RGPD8: variants seen among roughly 807,000 people sequenced by gnomAD.
RGPD8 encodes the protein RANBP2 like and GRIP domain containing 8, also known as RANBP2-like and GRIP domain-containing protein 8.
RGPD8 carries 15 observed loss-of-function variants against 89.1 expected under a neutral mutation model. The observed-to-expected ratio is 0.17, with a 90% CI of 0.11 to 0.26. The LOEUF (loss-of-function observed/expected upper bound fraction) is 0.26. RGPD8 is among the 10% of genes least tolerant of loss of function. The pLI is 1.00. For synonymous variants in RGPD8, 62 were observed against 420.9 expected, an observed-to-expected ratio of 0.15 and a Z score of 10.44; for missense variants, 178 against 1,179.6, an observed-to-expected ratio of 0.15 and a Z score of 12.44.
At chr2:112,433,004 C>G (rs1371607082) in intron 1 of RGPD8, among the ~76,000 whole-genome samples, 1 of 91,450 alleles carries the variant, frequency 1.1e-5, no homozygotes, top group East Asian at 2.4e-4. Flanking sequence ...CAGGGAGCAG[C>G]GCCCTCGGGA....
chr2:112,417,096 G>C, intron 6 of RGPD8, 97 bp downstream of exon 6: 2 of 1,604,092 alleles, frequency 1.2e-6, no homozygotes, highest in East Asian at 2.2e-5. Flanking sequence ...GTACATTATA[G>C]AAATAATGAT....
chr2:112,371,189 G>A (rs1361797278), intron 22 of RGPD8, among the ~76,000 whole-genome samples: 1 of 124,660 alleles, frequency 8.0e-6, no homozygotes, highest in Non-Finnish European at 1.7e-5. Context: ...CATGTTTATT[G>A]AGGTACAACT....
chr2:112,433,402 G>A lies in RGPD8; in HGVS notation c.52C>T (p.Leu18Phe). ...CTCACCTGTCGAGGCGACGGGGTGAGACCCAGCACCGAGGCGACGTACCGC... is the reference window on the plus strand; with the variant it reads ...CTCACCTGTCGAGGCGACGGGGTGAAACCCAGCACCGAGGCGACGTACCGC... ...VERYVASVLG[L>F]TPSPRQKSMK... The change falls in exon 1 of 23, where the codon CTC (leucine) becomes TTC (phenylalanine). Residue 18 changes from leucine (L) to phenylalanine (F), a missense_variant. Transcript: ENST00000302558. The A allele has an allele frequency of 6.2e-7, 1 of 1,610,502 alleles. No individual in the cohort carries two copies. Among genetic ancestry groups the A allele is most frequent in the Non-Finnish European group, 8.5e-7 (1 of 1,179,148 alleles).
intron 6 of RGPD8, among the ~76,000 whole-genome samples, chr2:112,416,226 CCTA>C (rs1403392632): frequency 1.3e-5 from 2 of 152,222 alleles, no homozygotes; most frequent in Non-Finnish European, 2.9e-5. Flanking sequence ...AATAAAACAT[CCTA>C]CATGTTTTCT....
At chr2:112,410,814 C>G (rs1162212087) in intron 7 of RGPD8, among the ~76,000 whole-genome samples, 2 of 151,952 alleles carry the variant, frequency 1.3e-5, no homozygotes, top group African/African-American at 4.8e-5. Context: ...GCAGGGCATG[C>G]TGGCTCACTG....
chr2:112,411,199 C>G (rs1304965543), intron 7 of RGPD8, among the ~76,000 whole-genome samples: 3 of 151,778 alleles, frequency 2.0e-5, no homozygotes, highest in Non-Finnish European at 4.4e-5. Flanking sequence ...CTTTCTAAGC[C>G]TGGTTTAATG....
chr2:112,409,889 C>G (rs1343027014), intron 7 of RGPD8, among the ~76,000 whole-genome samples: 5 of 123,286 alleles, frequency 4.1e-5, no homozygotes, highest in Non-Finnish European at 6.6e-5. Context: ...GAGCCCAGTT[C>G]AATGTTATGG....
rs573983127 is a variant in RGPD8, at chr2:112,426,354, G to A, written c.73-2047C>T. 2.0e-5 allele frequency among the ~76,000 whole-genome samples: 3 copies of A among 151,720 alleles called. No homozygotes were observed. In the East Asian group the frequency reaches 5.8e-4, roughly 29 times the overall value. On this transcript the variant is annotated intron_variant, in intron 1 of 22. Transcript: ENST00000302558. ...ACAGCATGAATATGTTGGACAAAGGGATGATTCGTGTCCTGGGTAGGACGG... is the reference window on the plus strand; with the variant it reads ...ACAGCATGAATATGTTGGACAAAGGAATGATTCGTGTCCTGGGTAGGACGG...
At chr2:112,408,818 C>G (rs1473152667) in intron 7 of RGPD8, among the ~76,000 whole-genome samples, 1 of 151,826 alleles carries the variant, frequency 6.6e-6, no homozygotes. Context: ...ACTACAGGCA[C>G]CCGCCACCAT....
intron 9 of RGPD8, among the ~76,000 whole-genome samples, chr2:112,402,533 G>GAAAAGAAAAGAAAAGAAAA (rs1172989175): frequency 7.5e-4 from 112 of 149,998 alleles, no homozygotes; most frequent in Middle Eastern, 3.5e-3. Flanking sequence ...GAAAAGAAAA[G>GAAAAGAAAAGAAAAGAAAA]GTTATGCGCT....
At chr2:112,433,145 C>G (rs1477310597) in intron 1 of RGPD8, among the ~76,000 whole-genome samples, 18 of 119,948 alleles carry the variant, frequency 1.5e-4, no homozygotes, top group South Asian at 2.6e-4. Flanking sequence ...CGGGCCGGGT[C>G]GAGGCCGCCG....
At chr2:112,402,737 GC>G (rs1678916747) in intron 9 of RGPD8, among the ~76,000 whole-genome samples, 1 of 101,414 alleles carries the variant, frequency 9.9e-6, no homozygotes. Context: ...AAACTTGGAT[GC>G]CCAATAACAG....
At chr2:112,428,985 A>C (rs1679897544) in intron 1 of RGPD8, among the ~76,000 whole-genome samples, 1 of 152,080 alleles carries the variant, frequency 6.6e-6, no homozygotes, top group Non-Finnish European at 1.5e-5. Context: ...AGGGCAATTC[A>C]AATGCAAAAA....
At chr2:112,426,879 G>A (rs1679793968) in intron 1 of RGPD8, among the ~76,000 whole-genome samples, 1 of 145,620 alleles carries the variant, frequency 6.9e-6, no homozygotes, top group Admixed American at 6.9e-5. Context: ...AGGCTGGAGT[G>A]CGGTGGCTCG....
intron 20 of RGPD8, among the ~76,000 whole-genome samples, chr2:112,382,037 A>G (rs1171083369): frequency 1.3e-5 from 2 of 151,674 alleles, no homozygotes; most frequent in Non-Finnish European, 3.0e-5. Context: ...GTGCCATCTA[A>G]TCAGCTGCCA....
chr2:112,390,126 A>G lies in RGPD8; in HGVS notation c.2819T>C (p.Leu940Pro), dbSNP rs1456949182. ...GNQEKKREKP[L>P]ENDTGLQAQD... ...AGCCTGTAAGCCAGTATCATTTTCA[A>G]GAGGCTTTTCCCTTTTCTTTTCTTG... The change falls in exon 20 of 23, where the codon CTT becomes CCT. Residue 940 changes from leucine (L) to proline (P), a missense_variant. Physicochemically the swap from Leu to Pro is moderately conservative, Grantham distance 98. Coordinates refer to ENST00000302558, the MANE Select transcript of RGPD8 (RefSeq NM_001164463.1). 1.2e-6 allele frequency: 2 copies of G among 1,603,744 alleles called. No individual in the cohort carries two copies. Among genetic ancestry groups the G allele is most frequent in the Admixed American group, 1.7e-5 (1 of 59,232 alleles).
intron 1 of RGPD8, among the ~76,000 whole-genome samples, chr2:112,428,458 C>CA (rs1390476518): frequency 6.7e-6 from 1 of 149,554 alleles, no homozygotes; most frequent in African/African-American, 2.5e-5. Flanking sequence ...CAAAAACAAA[C>CA]AAAAAAACCT....
At chr2:112,415,976 G>C (rs1310456460) in intron 6 of RGPD8, among the ~76,000 whole-genome samples, 1 of 152,214 alleles carries the variant, frequency 6.6e-6, no homozygotes, top group African/African-American at 2.4e-5. Flanking sequence ...TGTGGTCCCA[G>C]CTACTTGGGA....
chr2:112,431,833 T>G (rs1243151977), intron 1 of RGPD8, among the ~76,000 whole-genome samples: 2 of 152,070 alleles, frequency 1.3e-5, no homozygotes, highest in African/African-American at 4.8e-5. Flanking sequence ...AGAGACAAGG[T>G]TTCAACATGT....
Sources: gnomAD v4.1 joint callset for allele counts (sites outside exome capture counted in the v4.1 genomes callset) on GRCh38, gnomAD v4.1.1 for gene constraint, MANE v1.5 for transcripts, NCBI Gene and HGNC (gene_info 2026-07-23, HGNC 2026-07-21) for gene names.